WDFY3: variants seen among roughly 807,000 people sequenced by gnomAD.
WDFY3 encodes the protein WD repeat and FYVE domain-containing protein 3.
WDFY3 carries 66 observed loss-of-function variants against 409.6 expected under a neutral mutation model. That is an observed-to-expected ratio of 0.16 (90% CI 0.13 to 0.20). The LOEUF (loss-of-function observed/expected upper bound fraction) is 0.20. Among genes scored for constraint, WDFY3 ranks in the 10% least tolerant of loss-of-function variants. The pLI is 1.00. For missense variants in WDFY3, 3,031 were observed against 4,298.1 expected, an observed-to-expected ratio of 0.71 and a Z score of 8.24; for synonymous variants, 1,521 against 1,537.1, an observed-to-expected ratio of 0.99 and a Z score of 0.25.
At chr4:84,957,831 T>C (rs1017075741) in intron 1 of WDFY3, among the ~76,000 whole-genome samples, 8 of 152,228 alleles carry the variant, frequency 5.3e-5, no homozygotes, top group Non-Finnish European at 1.0e-4. Context: ...TCACAGTTTA[T>C]AGAACTGATA....
intron 13 of WDFY3, among the ~76,000 whole-genome samples, chr4:84,816,799 C>T (rs919841441): frequency 2.1e-4 from 32 of 152,008 alleles, no homozygotes; most frequent in African/African-American, 6.7e-4. Context: ...GGAAATAAAA[C>T]GGGTATTGAA....
chr4:84,728,391 A>G (rs10018222), intron 44 of WDFY3, among the ~76,000 whole-genome samples: 2,946 of 152,118 alleles, frequency 0.019, 102 homozygotes, highest in African/African-American at 0.068. Flanking sequence ...ACAGCCTGGC[A>G]TAGTGGTGCA....
rs1263107573 is a variant in WDFY3, at chr4:84,849,910, T to C, written c.296A>G (p.Lys99Arg). ...GGCTACTGTAAAAATACCTGTGGAT[T>C]TGTTTGATGCTCTCCTTCGAATTTC... ...VTEIRRRASN[K>R]STEAASRAIV... Residue 99 changes from lysine (K) to arginine (R), a missense_variant, in exon 5 of 68, where the codon AAA becomes AGA. Transcript: ENST00000295888. 12 of 1,612,064 alleles carry C rather than the reference T, an allele frequency of 7.4e-6. No homozygotes were observed. The highest frequency in any genetic ancestry group is 1.7e-5 in the Admixed American group (1 of 59,502).
At chr4:84,796,099 G>C (rs1749392347) in intron 19 of WDFY3, among the ~76,000 whole-genome samples, 1 of 151,516 alleles carries the variant, frequency 6.6e-6, no homozygotes, top group African/African-American at 2.4e-5. Flanking sequence ...ACTTTTTCTG[G>C]AAAGGGCCAA....
chr4:84,932,829 A>C (rs1480688625), intron 1 of WDFY3, among the ~76,000 whole-genome samples: 1 of 152,220 alleles, frequency 6.6e-6, no homozygotes, highest in Non-Finnish European at 1.5e-5. Context: ...GATTTGTTCT[A>C]AATTAAAATT....
At chr4:84,720,628 C>T (rs1157700088) in intron 47 of WDFY3, among the ~76,000 whole-genome samples, 1 of 152,140 alleles carries the variant, frequency 6.6e-6, no homozygotes, top group African/African-American at 2.4e-5. Flanking sequence ...ATGTGACAAG[C>T]CTATTCCCCC....
chr4:84,746,837 T>C (rs1183658540), intron 36 of WDFY3, among the ~76,000 whole-genome samples: 2 of 115,824 alleles, frequency 1.7e-5, no homozygotes, highest in Non-Finnish European at 1.8e-5. Context: ...CATCCCCATT[T>C]TAGAAATAAT....
At chr4:84,725,919 G>C (rs928508682) in intron 45 of WDFY3, among the ~76,000 whole-genome samples, 1 of 152,150 alleles carries the variant, frequency 6.6e-6, no homozygotes, top group African/African-American at 2.4e-5. Flanking sequence ...GAAATAAAGA[G>C]AGTTGCCAGT....
At chr4:84,782,592 A>C (rs1578493284) in intron 25 of WDFY3, among the ~76,000 whole-genome samples, 1 of 152,132 alleles carries the variant, frequency 6.6e-6, no homozygotes, top group East Asian at 1.9e-4. Context: ...CTGTGTCCGT[A>C]TGTTCTCATT....
intron 51 of WDFY3, 146 bp from the exon 52 acceptor site, chr4:84,709,493 G>A: frequency 1.6e-6 from 1 of 626,160 alleles, no homozygotes; most frequent in Non-Finnish European, 2.7e-6. Flanking sequence ...CAGTTTAGTG[G>A]GTTGTGATCA....
At chr4:84,724,660 A>T in intron 45 of WDFY3, 66 bp from the exon 46 acceptor site, 1 of 1,551,306 alleles carries the variant, frequency 6.4e-7, no homozygotes, top group Admixed American at 1.8e-5. Flanking sequence ...AATATTCTTG[A>T]GGGAAGGTAT....
chr4:84,921,612 T>C (rs1769284840), intron 2 of WDFY3, among the ~76,000 whole-genome samples: 1 of 149,364 alleles, frequency 6.7e-6, no homozygotes, highest in Non-Finnish European at 1.5e-5. Flanking sequence ...CTATTATTTA[T>C]AAGCAAATAT....
chr4:84,705,043 C>T (rs1731698101), intron 54 of WDFY3, among the ~76,000 whole-genome samples: 1 of 151,800 alleles, frequency 6.6e-6, no homozygotes, highest in South Asian at 2.1e-4. Flanking sequence ...CCAAAATTGC[C>T]TCAATAAAAT....
At chr4:84,895,290 T>G (rs1362329438) in intron 3 of WDFY3, among the ~76,000 whole-genome samples, 1 of 152,168 alleles carries the variant, frequency 6.6e-6, no homozygotes, top group Non-Finnish European at 1.5e-5. Context: ...AGCAATGTGA[T>G]AAGTATTATA....
chr4:84,701,269 C>A (rs1029469027), intron 56 of WDFY3, among the ~76,000 whole-genome samples: 1 of 152,166 alleles, frequency 6.6e-6, no homozygotes. Context: ...GAGCTCTAGG[C>A]ATAATTACAG....
chr4:84,737,157 T>C, intron 41 of WDFY3, 27 bp downstream of exon 41: 1 of 1,613,352 alleles, frequency 6.2e-7, no homozygotes. Context: ...GTAAATCTCC[T>C]GGTGGTATGA....
At chr4:84,690,789 G>A (rs1027969234) in intron 60 of WDFY3, 125 bp from the exon 61 acceptor site, 1 of 1,185,640 alleles carries the variant, frequency 8.4e-7, no homozygotes, top group Admixed American at 3.0e-5. Context: ...CATGTTCTGA[G>A]CTAGCTTTAG....
intron 10 of WDFY3, among the ~76,000 whole-genome samples, chr4:84,825,102 C>G (rs1006647207): frequency 6.6e-6 from 1 of 152,062 alleles, no homozygotes; most frequent in Non-Finnish European, 1.5e-5. Flanking sequence ...TAATTATTAT[C>G]CCTGTTATGA....
chr4:84,679,957 C>G (rs574453358), intron 64 of WDFY3, among the ~76,000 whole-genome samples: 2 of 151,846 alleles, frequency 1.3e-5, no homozygotes, highest in Admixed American at 6.6e-5. Context: ...GTGGCATGAT[C>G]TTGGCTCATT....
Sources: gnomAD v4.1 joint callset for allele counts (sites outside exome capture counted in the v4.1 genomes callset) on GRCh38, gnomAD v4.1.1 for gene constraint, MANE v1.5 for transcripts, NCBI Gene and HGNC (gene_info 2026-07-23, HGNC 2026-07-21) for gene names.